DNAL1: variants seen among roughly 807,000 people sequenced by gnomAD.
DNAL1 encodes the protein dynein axonemal light chain 1, also known as chromosome 14 open reading frame 168.
In DNAL1, 17 loss-of-function variants were observed where a neutral mutation model predicts 29.4. That is an observed-to-expected ratio of 0.58 (90% CI 0.40 to 0.87). DNAL1 has a LOEUF of 0.87. Among genes scored for constraint, DNAL1 ranks in the 40% least tolerant of loss-of-function variants. DNAL1 has a pLI of 0.00. For missense variants in DNAL1, 188 were observed against 214.1 expected, an observed-to-expected ratio of 0.88 and a Z score of 0.76; for synonymous variants, 78 against 76.3, an observed-to-expected ratio of 1.02 and a Z score of -0.12.
chr14:73,658,253 T>C (rs1473645100), intron 2 of DNAL1, among the ~76,000 whole-genome samples: 4 of 152,238 alleles, frequency 2.6e-5, no homozygotes, highest in African/African-American at 9.6e-5. Flanking sequence ...TTCCATTCTA[T>C]TGGTCTGTGT....
At chr14:73,648,403 C>CATATATATATATATATATATATATATAT (rs149075024) in intron 1 of DNAL1, among the ~76,000 whole-genome samples, 1,307 of 86,358 alleles carry the variant, frequency 0.015, 144 homozygotes, top group African/African-American at 0.025. Context: ...CACCTCATTT[C>CATATATATATATATATATATATATATAT]ATATATATAT....
chr14:73,649,869 T>C (rs1396245560), intron 1 of DNAL1, among the ~76,000 whole-genome samples: 3 of 152,326 alleles, frequency 2.0e-5, no homozygotes, highest in East Asian at 3.9e-4. Context: ...AATGGTGTGG[T>C]ATTTGCATAT....
At chr14:73,652,643 C>G (rs1891136283) in intron 1 of DNAL1, among the ~76,000 whole-genome samples, 1 of 152,032 alleles carries the variant, frequency 6.6e-6, no homozygotes, top group Non-Finnish European at 1.5e-5. Flanking sequence ...ATTTAAGAAC[C>G]AACTTTTAGT....
Position 73,677,072 on chromosome 14 carries a change from G to A in DNAL1, c.264+5475G>A, listed in dbSNP as rs569482870. 2.4e-4 allele frequency among the ~76,000 whole-genome samples: 36 copies of A among 150,094 alleles called. No homozygotes were observed. In the East Asian group the frequency reaches 4.7e-3, roughly 20 times the overall value. On this transcript the variant is annotated intron_variant, in intron 5 of 7. Transcript: ENST00000553645. The stretch of plus-strand genomic sequence containing the variant: ...TACAAGCTCCACCTCCTGGGTTCAC[G>A]CCATTCTCCTGCCTCAGCCTCCCAA...
At position 73,654,842 on chromosome 14, in the gene DNAL1, TAAA is replaced by T; in HGVS notation, c.4-4_4-2del. 1.3e-6 allele frequency: 2 copies of T among 1,488,848 alleles called. No individual in the cohort carries two copies. The highest frequency in any genetic ancestry group is 8.9e-7 in the Non-Finnish European group (1 of 1,122,632). 92.2% of individuals were successfully genotyped at this position (1,488,848 alleles called of 1,614,324 possible). On this transcript the variant is annotated splice_acceptor_variant and splice_polypyrimidine_tract_variant and intron_variant, in intron 1 of 7. Coordinates refer to ENST00000553645, the MANE Select transcript of DNAL1 (RefSeq NM_031427.4). LOFTEE classifies it high-confidence loss of function. ...TTCTTTTCTTTCTTTTTTTTTTTTTTAAAGGCGAAAGCAACAACAATCAAAGAA... is the reference window on the plus strand; with the variant it reads ...TTCTTTTCTTTCTTTTTTTTTTTTTTGGCGAAAGCAACAACAATCAAAGAA...
At chr14:73,694,132 A>ACGG (rs1892238619) in intron 7 of DNAL1, among the ~76,000 whole-genome samples, 1 of 151,554 alleles carries the variant, frequency 6.6e-6, no homozygotes, top group Admixed American at 6.6e-5. Context: ...TAAGCTGGGC[A>ACGG]CGGTGGCATG....
chr14:73,651,616 G>A (rs924152734), intron 1 of DNAL1, among the ~76,000 whole-genome samples: 1 of 152,094 alleles, frequency 6.6e-6, no homozygotes, highest in Non-Finnish European at 1.5e-5. Context: ...TGTATGCCTT[G>A]TCTGGGTTTT....
intron 4 of DNAL1, among the ~76,000 whole-genome samples, chr14:73,668,014 G>T (rs4635279): frequency 0.22 from 33,687 of 151,894 alleles, 5,004 homozygotes; most frequent in Non-Finnish European, 0.33. Flanking sequence ...CAGCTTATGC[G>T]GTCCTGCCTC....
At chr14:73,674,204 G>A (rs1891677185) in intron 5 of DNAL1, among the ~76,000 whole-genome samples, 1 of 152,088 alleles carries the variant, frequency 6.6e-6, no homozygotes, top group Non-Finnish European at 1.5e-5. Flanking sequence ...AATCTCTAGT[G>A]ACTGGCCTTC....
intron 2 of DNAL1, 34 bp downstream of exon 2, chr14:73,654,919 T>C: frequency 2.0e-6 from 3 of 1,537,492 alleles, no homozygotes; most frequent in Non-Finnish European, 2.6e-6. Context: ...TTTTAGAAAC[T>C]GTACAAGGAA....
intron 5 of DNAL1, among the ~76,000 whole-genome samples, chr14:73,672,598 ACT>A (rs1891639805): frequency 1.0e-5 from 1 of 96,082 alleles, no homozygotes; most frequent in Admixed American, 1.2e-4. Context: ...ACAGAGCGAG[ACT>A]CTGTCTCAAA....
At chr14:73,653,732 A>G (rs1355778119) in intron 1 of DNAL1, among the ~76,000 whole-genome samples, 2 of 152,126 alleles carry the variant, frequency 1.3e-5, no homozygotes, top group Non-Finnish European at 2.9e-5. Context: ...TCAGGTTCAC[A>G]TTTGTTCACA....
intron 5 of DNAL1, among the ~76,000 whole-genome samples, chr14:73,682,951 A>C (rs2140054354): frequency 7.1e-6 from 1 of 139,952 alleles, no homozygotes; most frequent in South Asian, 2.2e-4. Flanking sequence ...ATCTCGGCTC[A>C]CCGCAACCTC....
At chr14:73,659,336 G>C (rs1037782669) in intron 3 of DNAL1, among the ~76,000 whole-genome samples, 2 of 150,882 alleles carry the variant, frequency 1.3e-5, no homozygotes, top group African/African-American at 2.4e-5. Flanking sequence ...CAATTTTTTT[G>C]TATTTTTAGT....
chr14:73,683,602 C>T (rs1249952913), intron 5 of DNAL1, among the ~76,000 whole-genome samples: 1 of 151,880 alleles, frequency 6.6e-6, no homozygotes, highest in African/African-American at 2.4e-5. Flanking sequence ...CAACTTATTC[C>T]CATCCTCCCC....
At chr14:73,665,681 C>T (rs767486850) in intron 4 of DNAL1, among the ~76,000 whole-genome samples, 9 of 151,542 alleles carry the variant, frequency 5.9e-5, no homozygotes, top group Non-Finnish European at 1.0e-4. Context: ...ATCCCAGCTA[C>T]GTGGGAGGCT....
intron 5 of DNAL1, among the ~76,000 whole-genome samples, chr14:73,682,427 G>T (rs2140053795): frequency 6.8e-6 from 1 of 146,856 alleles, no homozygotes; most frequent in African/African-American, 2.5e-5. Context: ...GGCCTCAAGT[G>T]ATCTGCCCGC....
intron 7 of DNAL1, among the ~76,000 whole-genome samples, chr14:73,693,771 T>C (rs536303274): frequency 6.6e-6 from 1 of 152,236 alleles, no homozygotes; most frequent in African/African-American, 2.4e-5. Flanking sequence ...GGATAGAATA[T>C]ATCTTTTGTG....
At chr14:73,686,475 G>A (rs1384166859) in intron 5 of DNAL1, among the ~76,000 whole-genome samples, 1 of 152,114 alleles carries the variant, frequency 6.6e-6, no homozygotes, top group East Asian at 1.9e-4. Context: ...AGGCCGAGGC[G>A]GGCAGATCCC....
Sources: gnomAD v4.1 joint callset for allele counts (sites outside exome capture counted in the v4.1 genomes callset) on GRCh38, gnomAD v4.1.1 for gene constraint, MANE v1.5 for transcripts, NCBI Gene and HGNC (gene_info 2026-07-23, HGNC 2026-07-21) for gene names.